The following CEP63 variants were observed in gnomAD, a reference collection of about 807,000 sequenced individuals.
The protein encoded by CEP63 is centrosomal protein of 63 kDa.
Under a neutral mutation model 89.1 loss-of-function variants are expected in CEP63, and 84 were observed. The observed-to-expected ratio is 0.94, with a 90% CI of 0.79 to 1.13. The LOEUF is 1.13. Ranked by LOEUF, CEP63 falls within the 50% of genes most tolerant of loss-of-function variation. CEP63 has a pLI of 0.00. For missense variants in CEP63, 838 were observed against 813.3 expected (o/e 1.03, Z -0.37); for synonymous variants, 267 against 272.5 (o/e 0.98, Z 0.20).
the CEP63 span, among the ~76,000 whole-genome samples, chr3:134,776,903 G>A: frequency 2.6e-5 from 4 of 152,218 alleles, no homozygotes; most frequent in African/African-American, 9.6e-5. Context: ...GGTTGGGAGA[G>A]ATGGACAAAC....
At chr3:134,551,598 A>G (rs1164049497) in intron 11 of CEP63, among the ~76,000 whole-genome samples, 1 of 151,884 alleles carries the variant, frequency 6.6e-6, no homozygotes, top group East Asian at 1.9e-4. Context: ...ATGGGTAGGG[A>G]TTTAAGGGGT....
intron 1 of CEP63, among the ~76,000 whole-genome samples, chr3:134,494,877 A>AT (rs1939222875): frequency 6.6e-6 from 1 of 152,036 alleles, no homozygotes; most frequent in South Asian, 2.1e-4. Flanking sequence ...TACACTTCGC[A>AT]TTTTTTATAC....
At chr3:134,712,941 T>C in the CEP63 span, among the ~76,000 whole-genome samples, 2 of 152,228 alleles carry the variant, frequency 1.3e-5, no homozygotes, top group Non-Finnish European at 2.9e-5. Context: ...CTGGTTCCCT[T>C]GGACTGTTCC....
chr3:134,567,707 C>T (rs1957841225), downstream of CEP63, among the ~76,000 whole-genome samples: 1 of 152,120 alleles, frequency 6.6e-6, no homozygotes, highest in Admixed American at 6.5e-5. Context: ...GGGCCAGGGG[C>T]CTGCACACCG....
intron 11 of CEP63, chr3:134,574,716 A>C: frequency 1.9e-6 from 1 of 516,054 alleles, no homozygotes; most frequent in East Asian, 3.3e-5. Flanking sequence ...CAACTGATCC[A>C]CCTCAGCCTC....
the CEP63 span, among the ~76,000 whole-genome samples, chr3:134,746,262 T>A: frequency 6.6e-6 from 1 of 152,010 alleles, no homozygotes; most frequent in Non-Finnish European, 1.5e-5. Context: ...TCCTTTTTTT[T>A]ATGGCTGCAT....
chr3:134,658,801 C>G, the CEP63 span, among the ~76,000 whole-genome samples: 2 of 152,172 alleles, frequency 1.3e-5, no homozygotes, highest in African/African-American at 4.8e-5. Flanking sequence ...TCTGAGACAG[C>G]GCTGCTCAGT....
the CEP63 span, among the ~76,000 whole-genome samples, chr3:134,664,668 TTTTGTG>T: frequency 0.01 from 34 of 3,284 alleles, no homozygotes; most frequent in Middle Eastern, 0.12. Flanking sequence ...CTTTAAGCAG[TTTTGTG>T]TGTGTGTGTG....
the CEP63 span, among the ~76,000 whole-genome samples, chr3:134,681,384 AATC>A: frequency 1.3e-4 from 20 of 152,136 alleles, no homozygotes; most frequent in African/African-American, 4.8e-4. Flanking sequence ...TAAGGCAGAG[AATC>A]ATAATCTCAG....
At chr3:134,519,339 G>C (rs1946934084) in intron 3 of CEP63, among the ~76,000 whole-genome samples, 1 of 150,726 alleles carries the variant, frequency 6.6e-6, no homozygotes, top group Non-Finnish European at 1.5e-5. Context: ...TCACCATGTT[G>C]GTCAGGCTGG....
the CEP63 span, among the ~76,000 whole-genome samples, chr3:134,735,894 A>T: frequency 2.0e-5 from 3 of 152,122 alleles, no homozygotes; most frequent in Non-Finnish European, 4.4e-5. Context: ...GGGAAAAGGG[A>T]CTAATCCCCC....
downstream of CEP63, among the ~76,000 whole-genome samples, chr3:134,565,308 A>G (rs370479336): frequency 7.9e-5 from 12 of 152,316 alleles, no homozygotes; most frequent in East Asian, 1.5e-3. Flanking sequence ...TGTAGAAAAA[A>G]TACTACAACA....
intron 6 of CEP63, among the ~76,000 whole-genome samples, chr3:134,539,562 C>T (rs1176590163): frequency 1.3e-5 from 2 of 152,034 alleles, no homozygotes; most frequent in African/African-American, 4.8e-5. Flanking sequence ...TATCTTTTTA[C>T]AATTGAATGT....
chr3:134,704,498 A>G, the CEP63 span, among the ~76,000 whole-genome samples: 3 of 152,116 alleles, frequency 2.0e-5, no homozygotes, highest in African/African-American at 4.8e-5. Flanking sequence ...AAAACAGAAA[A>G]AGAGAGAGAG....
At chr3:134,566,943 AT>A (rs375939623), downstream of CEP63, among the ~76,000 whole-genome samples, 1 of 152,240 alleles carries the variant, frequency 6.6e-6, no homozygotes, top group African/African-American at 2.4e-5. Context: ...ATGAAAATAT[AT>A]CCACACAAAA....
the CEP63 span, among the ~76,000 whole-genome samples, chr3:134,668,796 C>T: frequency 6.6e-6 from 1 of 152,202 alleles, no homozygotes; most frequent in African/African-American, 2.4e-5. Flanking sequence ...GGATTGGTTT[C>T]TTAATAAAGC....
At chr3:134,748,431 T>C in the CEP63 span, among the ~76,000 whole-genome samples, 1 of 152,166 alleles carries the variant, frequency 6.6e-6, no homozygotes, top group Admixed American at 6.5e-5. Flanking sequence ...GTTTTGTTTT[T>C]TTTTTTAAGA....
intron 6 of CEP63, among the ~76,000 whole-genome samples, chr3:134,538,688 G>A (rs1951383184): frequency 6.6e-6 from 1 of 151,104 alleles, no homozygotes; most frequent in South Asian, 2.1e-4. Flanking sequence ...AAAGTGCTGG[G>A]ATTACAGGTG....
At chr3:134,612,362 G>A in the CEP63 span, among the ~76,000 whole-genome samples, 14 of 152,320 alleles carry the variant, frequency 9.2e-5, no homozygotes, top group South Asian at 8.3e-4. Flanking sequence ...TGAGGAGACC[G>A]TGGAAGGAAG....
Sources: gnomAD v4.1 joint callset for allele counts (sites outside exome capture counted in the v4.1 genomes callset) on GRCh38, gnomAD v4.1.1 for gene constraint, MANE v1.5 for transcripts, NCBI Gene and HGNC (gene_info 2026-07-23, HGNC 2026-07-21) for gene names.